The following CCSER1 variants were observed in gnomAD, a reference collection of about 807,000 sequenced individuals.
The protein encoded by CCSER1 is serine-rich coiled-coil domain-containing protein 1.
In CCSER1, 41 loss-of-function variants were observed where a neutral mutation model predicts 82.0. The observed-to-expected ratio is 0.50, with a 90% CI of 0.39 to 0.65. The LOEUF is 0.65. Ranked by LOEUF, CCSER1 falls within the 30% of genes least tolerant of loss-of-function variation. The probability of loss-of-function intolerance (pLI) is 0.00; values close to 1 mark genes in which losing one functional copy is unlikely to be tolerated. For synonymous variants in CCSER1, 414 were observed against 383.9 expected, an observed-to-expected ratio of 1.08 and a Z score of -0.92; for missense variants, 1,119 against 1,064.2, an observed-to-expected ratio of 1.05 and a Z score of -0.72.
intron 5 of CCSER1, among the ~76,000 whole-genome samples, chr4:90,571,280 A>T (rs1780088697): frequency 6.6e-6 from 1 of 152,186 alleles, no homozygotes; most frequent in Non-Finnish European, 1.5e-5. Flanking sequence ...ACCTTCACTC[A>T]TATGTTTATT....
intron 1 of CCSER1, among the ~76,000 whole-genome samples, chr4:90,273,172 CT>C (rs1726903328): frequency 6.6e-6 from 1 of 151,954 alleles, no homozygotes; most frequent in Non-Finnish European, 1.5e-5. Flanking sequence ...AACGTTTGTA[CT>C]CATGGAGATA....
intron 1 of CCSER1, among the ~76,000 whole-genome samples, chr4:90,276,251 T>TTTCTTTCTTCCCTTCCTTCC (rs1727659770): frequency 6.5e-5 from 5 of 76,850 alleles, no homozygotes; most frequent in African/African-American, 2.6e-4. Flanking sequence ...TCTTTCTTTC[T>TTTCTTTCTTCCCTTCCTTCC]TTCCTTCCTT....
At chr4:90,527,471 TATC>T (rs1773936214) in intron 5 of CCSER1, among the ~76,000 whole-genome samples, 1 of 151,230 alleles carries the variant, frequency 6.6e-6, no homozygotes, top group South Asian at 2.1e-4. Context: ...AACACAAAAA[TATC>T]ATCCCAGTGC....
At chr4:91,319,984 C>T (rs1296104852) in intron 10 of CCSER1, among the ~76,000 whole-genome samples, 1 of 152,020 alleles carries the variant, frequency 6.6e-6, no homozygotes, top group Admixed American at 6.6e-5. Flanking sequence ...CCTGAGCTGT[C>T]CTGTTCCGTC....
At chr4:91,022,158 C>A (rs532314982) in intron 9 of CCSER1, among the ~76,000 whole-genome samples, 15 of 130,682 alleles carry the variant, frequency 1.1e-4, no homozygotes, top group African/African-American at 2.8e-4. Flanking sequence ...CCCCTCCCCC[C>A]ACCCCACACC....
intron 8 of CCSER1, among the ~76,000 whole-genome samples, chr4:90,828,533 A>T (rs1279398334): frequency 6.6e-6 from 1 of 152,160 alleles, no homozygotes; most frequent in Non-Finnish European, 1.5e-5. Context: ...TGTTTTTAAA[A>T]ATTTAGTTTC....
rs777807635 is a variant in CCSER1, at chr4:91,599,911, G to C, written c.*854G>C. 2.6e-5 allele frequency: 4 copies of C among 152,026 alleles called. No homozygotes were observed. Among genetic ancestry groups the C allele is most frequent in the African/African-American group, 4.8e-5 (2 of 41,418 alleles). The allele number at this position is 152,026 out of a possible 1,614,324, so 9.4% of individuals were successfully genotyped here. ...TATAAACATTTTTTCAAAATTTCAAGGATGAAACATCCTAAGAAAATTATT... is the reference window on the plus strand; with the variant it reads ...TATAAACATTTTTTCAAAATTTCAACGATGAAACATCCTAAGAAAATTATT... On this transcript the variant is annotated 3_prime_UTR_variant, in exon 11 of 11. Coordinates refer to ENST00000509176, the MANE Select transcript of CCSER1 (RefSeq NM_001145065.2).
intron 10 of CCSER1, among the ~76,000 whole-genome samples, chr4:91,091,886 C>T (rs1723995051): frequency 6.6e-6 from 1 of 152,180 alleles, no homozygotes; most frequent in Admixed American, 6.5e-5. Flanking sequence ...CTGAGCACCT[C>T]TCATTTACCC....
chr4:91,183,065 G>A (rs963203080), intron 10 of CCSER1, among the ~76,000 whole-genome samples: 2 of 152,234 alleles, frequency 1.3e-5, no homozygotes, highest in East Asian at 1.9e-4. Context: ...TTTAGTCAAA[G>A]GTCCTGGAAG....
At chr4:90,405,105 T>TA (rs1363210992) in intron 4 of CCSER1, among the ~76,000 whole-genome samples, 14 of 151,490 alleles carry the variant, frequency 9.2e-5, no homozygotes, top group Admixed American at 7.9e-4. Flanking sequence ...CTTAAAGAAA[T>TA]AAAAAACATG....
intron 1 of CCSER1, among the ~76,000 whole-genome samples, chr4:90,201,887 T>G (rs1377208748): frequency 1.3e-5 from 2 of 152,150 alleles, no homozygotes; most frequent in African/African-American, 2.4e-5. Context: ...ATCATAGTAG[T>G]TCCAGCTGTT....
chr4:90,872,899 C>T (rs1254457400), intron 8 of CCSER1, among the ~76,000 whole-genome samples: 1 of 151,812 alleles, frequency 6.6e-6, no homozygotes, highest in Non-Finnish European at 1.5e-5. Flanking sequence ...ATCATGCCAC[C>T]CTCTCCTGGC....
chr4:90,342,334 T>C (rs1442595686), intron 3 of CCSER1, among the ~76,000 whole-genome samples: 3 of 152,180 alleles, frequency 2.0e-5, no homozygotes, highest in Non-Finnish European at 4.4e-5. Context: ...TCTATTCTTA[T>C]TACCATTTGG....
At chr4:90,790,826 C>T (rs932897904) in intron 7 of CCSER1, among the ~76,000 whole-genome samples, 31 of 152,262 alleles carry the variant, frequency 2.0e-4, no homozygotes, top group African/African-American at 7.2e-4. Context: ...CCCACATTTT[C>T]CTGTCTTCTT....
intron 10 of CCSER1, among the ~76,000 whole-genome samples, chr4:91,569,585 A>T (rs1488346290): frequency 6.6e-6 from 1 of 152,150 alleles, no homozygotes. Flanking sequence ...CAGGAGAGAG[A>T]ATGAGTGCCA....
chr4:90,551,706 C>CTCTGTCTA lies in CCSER1; in HGVS notation c.1725-76318_1725-76317insCTGTCTAT. 1.0e-3 allele frequency among the ~76,000 whole-genome samples: 105 copies of CTCTGTCTA among 104,240 alleles called. 1 individual carries two copies. The highest frequency in any genetic ancestry group is 1.4e-3 in the Non-Finnish European group (80 of 56,238). 68.4% of individuals were successfully genotyped at this position (104,240 alleles called of 152,430 possible). A position where few individuals can be genotyped will look rare whatever the true frequency, so the allele number is the denominator to read the frequency against. On this transcript the variant is annotated intron_variant, in intron 5 of 10. Transcript: ENST00000509176. Reference sequence around the variant, plus strand: ...TCTCTCTCTCTCTCTCTCTCTCTCTCTATATATATATATATATATATGTAA... The same window carrying CTCTGTCTA: ...TCTCTCTCTCTCTCTCTCTCTCTCTCTCTGTCTATATATATATATATATATATATGTAA...
intron 10 of CCSER1, among the ~76,000 whole-genome samples, chr4:91,327,633 A>G (rs536624974): frequency 9.2e-5 from 14 of 152,254 alleles, no homozygotes; most frequent in African/African-American, 3.1e-4. Flanking sequence ...AGTTGACTTG[A>G]ATTTCTCCTG....
chr4:91,334,750 G>T (rs1378607533), intron 10 of CCSER1, among the ~76,000 whole-genome samples: 1 of 152,060 alleles, frequency 6.6e-6, no homozygotes, highest in Non-Finnish European at 1.5e-5. Context: ...TCATGGGTGT[G>T]GACGTCTAGT....
intron 1 of CCSER1, among the ~76,000 whole-genome samples, chr4:90,234,214 CTTT>C (rs555966703): frequency 7.1e-6 from 1 of 141,456 alleles, no homozygotes; most frequent in Non-Finnish European, 1.6e-5. Flanking sequence ...CTCTCTTATT[CTTT>C]TTTTTTTTTT....
Sources: gnomAD v4.1 joint callset for allele counts (sites outside exome capture counted in the v4.1 genomes callset) on GRCh38, gnomAD v4.1.1 for gene constraint, MANE v1.5 for transcripts, NCBI Gene and HGNC (gene_info 2026-07-23, HGNC 2026-07-21) for gene names.